Variants in AGR3 observed in about 807,000 individuals in gnomAD.
The protein encoded by AGR3 is anterior gradient 3, protein disulphide isomerase family member, also known as anterior gradient protein 3.
In AGR3, 37 loss-of-function variants were observed where a neutral mutation model predicts 24.5. The ratio of observed to expected loss-of-function variants is 1.51; its 90% CI spans 1.16 to 1.99. The LOEUF is 1.99. Among genes scored for constraint, AGR3 ranks in the 30% most tolerant of loss-of-function variants. The pLI is 0.00. For missense variants in AGR3, 228 were observed against 191.1 expected, an observed-to-expected ratio of 1.19 and a Z score of -1.14; for synonymous variants, 75 against 61.6, an observed-to-expected ratio of 1.22 and a Z score of -1.02.
chr7:16,867,470 G>A (rs1368849288), intron 3 of AGR3, among the ~76,000 whole-genome samples: 1 of 152,120 alleles, frequency 6.6e-6, no homozygotes, highest in East Asian at 1.9e-4. Context: ...GCTAAATCAA[G>A]CTATTTAACA....
At chr7:16,875,916 T>C (rs1246240771) in intron 2 of AGR3, among the ~76,000 whole-genome samples, 1 of 152,192 alleles carries the variant, frequency 6.6e-6, no homozygotes, top group African/African-American at 2.4e-5. Context: ...GTAAAAGTTA[T>C]TCTAAAACAG....
chr7:16,856,696 A>T (rs1781558686), downstream of AGR3, among the ~76,000 whole-genome samples: 1 of 152,164 alleles, frequency 6.6e-6, no homozygotes. Context: ...ATACTATTTC[A>T]GGTAGTTGAT....
chr7:16,873,901 T>A (rs1781934631), intron 2 of AGR3, 58 bp from the exon 3 acceptor site: 1 of 1,255,968 alleles, frequency 8.0e-7, no homozygotes, highest in Non-Finnish European at 1.2e-6. Context: ...AGCTCGGAAA[T>A]GGGTATCTAA....
rs1781661074 is a variant in AGR3 at position 16,862,060 on chromosome 7, G to A, written c.227C>T (p.Ala76Val). The part of the protein sequence containing the change: ...HHLEDCQYSQ[A>V]LKKVFAQNEE... Reference sequence around the variant, plus strand: ...ATTTTGGGCAAATACTTTCTTTAGTGCTATAGGGGAAAACAAAATTGCCAG... The same window carrying A: ...ATTTTGGGCAAATACTTTCTTTAGTACTATAGGGGAAAACAAAATTGCCAG... Residue 76 changes from alanine to valine, a missense_variant and splice_region_variant, in exon 5 of 8, where the codon GCA (alanine) becomes GTA (valine). By Grantham distance (64) the Ala-to-Val change is moderately conservative. Transcript: ENST00000310398. The A allele has an allele frequency of 6.2e-7, 1 of 1,610,998 alleles. No individual in the cohort carries two copies.
intron 1 of AGR3, among the ~76,000 whole-genome samples, chr7:16,880,592 C>T (rs536896700): frequency 1.0e-3 from 146 of 145,284 alleles, no homozygotes; most frequent in African/African-American, 3.5e-3. Context: ...CTCCTTTCCC[C>T]TCCTTTCCTG....
At chr7:16,870,437 G>C (rs1379072228) in intron 3 of AGR3, among the ~76,000 whole-genome samples, 2 of 151,726 alleles carry the variant, frequency 1.3e-5, no homozygotes, top group African/African-American at 4.8e-5. Flanking sequence ...AATTGTTGTG[G>C]TTGTAGATAT....
chr7:16,866,034 A>T (rs1381903051), intron 3 of AGR3: 2 of 644,382 alleles, frequency 3.1e-6, no homozygotes, highest in Non-Finnish European at 5.8e-6. Context: ...ATATTTATCT[A>T]CCCATGGTTC....
chr7:16,868,281 G>A (rs183032966), intron 3 of AGR3, among the ~76,000 whole-genome samples: 7 of 151,812 alleles, frequency 4.6e-5, no homozygotes, highest in African/African-American at 1.7e-4. Flanking sequence ...TCAGACTCCC[G>A]AGTAGCTGGG....
chr7:16,860,788 C>T (rs1459122698), intron 6 of AGR3, among the ~76,000 whole-genome samples: 1 of 152,110 alleles, frequency 6.6e-6, no homozygotes, highest in African/African-American at 2.4e-5. Flanking sequence ...GTTTTTCATC[C>T]TTTGGCTCCC....
At chr7:16,872,113 T>C (rs1163012706) in intron 3 of AGR3, among the ~76,000 whole-genome samples, 1 of 152,142 alleles carries the variant, frequency 6.6e-6, no homozygotes, top group Non-Finnish European at 1.5e-5. Flanking sequence ...AATCTTCAAA[T>C]TTGTATAGAA....
chr7:16,857,300 A>G (rs1320504787), downstream of AGR3, among the ~76,000 whole-genome samples: 1 of 152,242 alleles, frequency 6.6e-6, no homozygotes, highest in Non-Finnish European at 1.5e-5. Context: ...TATATGTATA[A>G]CAACATAGAA....
chr7:16,880,537 C>CTCATT (rs1782096724), intron 1 of AGR3, among the ~76,000 whole-genome samples: 1 of 70,744 alleles, frequency 1.4e-5, no homozygotes, highest in Non-Finnish European at 2.9e-5. Flanking sequence ...CTCCCCTCCC[C>CTCATT]TCCCCTCCTC....
downstream of AGR3, among the ~76,000 whole-genome samples, chr7:16,856,695 C>T (rs1405938059): frequency 6.6e-6 from 1 of 152,084 alleles, no homozygotes; most frequent in Non-Finnish European, 1.5e-5. Flanking sequence ...CATACTATTT[C>T]AGGTAGTTGA....
intron 1 of AGR3, among the ~76,000 whole-genome samples, chr7:16,880,086 C>CCCTTCCTTCCTTCCTTCCTTCTTTCCTT: frequency 7.2e-6 from 1 of 138,032 alleles, no homozygotes; most frequent in Non-Finnish European, 1.6e-5. Flanking sequence ...TCCTTCTTTC[C>CCCTTCCTTCCTTCCTTCCTTCTTTCCTT]CCTTCCTTCC....
downstream of AGR3, among the ~76,000 whole-genome samples, chr7:16,857,893 T>C (rs1042984470): frequency 3.9e-5 from 6 of 152,102 alleles, no homozygotes; most frequent in Admixed American, 1.3e-4. Context: ...ATCTATCTCA[T>C]ATAAAAGTAT....
chr7:16,868,710 G>GA (rs973912982), intron 3 of AGR3, among the ~76,000 whole-genome samples: 21 of 151,816 alleles, frequency 1.4e-4, no homozygotes, highest in South Asian at 1.0e-3. Flanking sequence ...GAGGTCATAT[G>GA]AAAAAAAATC....
downstream of AGR3, among the ~76,000 whole-genome samples, chr7:16,854,952 C>T (rs1432522057): frequency 6.6e-6 from 1 of 152,052 alleles, no homozygotes; most frequent in Non-Finnish European, 1.5e-5. Flanking sequence ...GGGTTAGGGG[C>T]CCATTCTACT....
intron 7 of AGR3, 39 bp from the exon 8 acceptor site, chr7:16,859,670 T>C (rs1781603682): frequency 1.5e-6 from 2 of 1,310,280 alleles, no homozygotes; most frequent in African/African-American, 1.5e-5. Flanking sequence ...TATTAATAAA[T>C]GAAAGTACAA....
intron 3 of AGR3, among the ~76,000 whole-genome samples, chr7:16,869,554 C>G (rs2115307423): frequency 6.6e-6 from 1 of 152,068 alleles, no homozygotes; most frequent in Non-Finnish European, 1.5e-5. Flanking sequence ...ATGATGAAAC[C>G]CTGTCTCTAC....
Sources: gnomAD v4.1 joint callset for allele counts (sites outside exome capture counted in the v4.1 genomes callset) on GRCh38, gnomAD v4.1.1 for gene constraint, MANE v1.5 for transcripts, NCBI Gene and HGNC (gene_info 2026-07-23, HGNC 2026-07-21) for gene names.